The following AXDND1 variants were observed in gnomAD, a reference collection of about 807,000 sequenced individuals.
AXDND1 encodes axonemal dynein light chain domain containing 1.
AXDND1 carries 110 observed loss-of-function variants against 137.5 expected under a neutral mutation model. That is an observed-to-expected ratio of 0.80 (90% CI 0.69 to 0.94). The LOEUF (loss-of-function observed/expected upper bound fraction) is 0.94, where lower values mean the gene tolerates loss of function less well. Ranked by LOEUF, AXDND1 falls within the 40% of genes least tolerant of loss-of-function variation. The pLI is 0.00. For synonymous variants in AXDND1, 414 were observed against 399.7 expected (o/e 1.04, Z -0.43); for missense variants, 1,191 against 1,169.8 (o/e 1.02, Z -0.26).
At chr1:179,422,938 A>G (rs1558156476) in intron 12 of AXDND1, among the ~76,000 whole-genome samples, 1 of 151,834 alleles carries the variant, frequency 6.6e-6, no homozygotes, top group African/African-American at 2.4e-5. Flanking sequence ...TAATTTTTGT[A>G]TTTTTAGTAG....
intron 20 of AXDND1, among the ~76,000 whole-genome samples, chr1:179,499,163 CAAT>C (rs1350403410): frequency 6.6e-6 from 1 of 151,796 alleles, no homozygotes; most frequent in African/African-American, 2.4e-5. Context: ...CAAGAGCAAA[CAAT>C]AATAGACCAA....
chr1:179,476,763 T>C (rs1292645544), intron 17 of AXDND1, among the ~76,000 whole-genome samples: 1 of 152,184 alleles, frequency 6.6e-6, no homozygotes, highest in Non-Finnish European at 1.5e-5. Context: ...GTTGTTTTTC[T>C]CTTGCCACTT....
intron 15 of AXDND1, among the ~76,000 whole-genome samples, chr1:179,440,924 G>T (rs1272332396): frequency 1.3e-5 from 2 of 152,214 alleles, no homozygotes; most frequent in African/African-American, 4.8e-5. Flanking sequence ...TTAGCTCTGA[G>T]TGTTGAGCTG....
rs1264611197 is a variant in AXDND1, at chr1:179,469,161, CT to C, written c.1997+521del. The stretch of plus-strand genomic sequence containing the variant: ...GCTAGGCTGGTCTCGAACTCCTGAC[CT>C]CAGGTGATACGCCCACCTTGGCCTT... On this transcript the variant is annotated intron_variant, in intron 17 of 25. Coordinates refer to ENST00000367618, the MANE Select transcript of AXDND1 (RefSeq NM_144696.6). Among the ~76,000 whole-genome samples the C allele has an allele frequency of 9.2e-5, 14 of 152,042 alleles. No individual in the cohort carries two copies. In the East Asian group the frequency reaches 2.7e-3, roughly 29 times the overall value.
intron 12 of AXDND1, among the ~76,000 whole-genome samples, chr1:179,411,559 G>A (rs1208617794): frequency 1.3e-5 from 2 of 151,972 alleles, no homozygotes; most frequent in African/African-American, 4.8e-5. Flanking sequence ...AAATGAGGAT[G>A]TATATTTATT....
intron 16 of AXDND1, among the ~76,000 whole-genome samples, chr1:179,459,779 TTTA>T (rs1288910413): frequency 1.3e-5 from 2 of 150,334 alleles, no homozygotes; most frequent in South Asian, 2.1e-4. Flanking sequence ...TTTCTTTTTC[TTTA>T]TTTTCTTTCT....
intron 11 of AXDND1, among the ~76,000 whole-genome samples, chr1:179,405,517 A>G (rs563805436): frequency 1.3e-5 from 2 of 152,160 alleles, no homozygotes; most frequent in African/African-American, 4.8e-5. Context: ...TAATGGTTGA[A>G]CTAATTTACA....
chr1:179,481,590 C>T (rs1481122477), intron 17 of AXDND1, among the ~76,000 whole-genome samples: 1 of 152,202 alleles, frequency 6.6e-6, no homozygotes, highest in African/African-American at 2.4e-5. Context: ...AACCAGTTTA[C>T]AGTCCCACCA....
chr1:179,407,042 A>G (rs1000074676), intron 11 of AXDND1, among the ~76,000 whole-genome samples: 3 of 151,732 alleles, frequency 2.0e-5, no homozygotes, highest in Admixed American at 1.3e-4. Context: ...GATTTTTTAC[A>G]CTGATGTGTT....
At chr1:179,477,397 C>T (rs951585166) in intron 17 of AXDND1, among the ~76,000 whole-genome samples, 8 of 152,058 alleles carry the variant, frequency 5.3e-5, no homozygotes, top group African/African-American at 1.2e-4. Flanking sequence ...CACAGTTCCA[C>T]GTGGCTGGGG....
At chr1:179,442,491 T>C (rs1659131059) in intron 15 of AXDND1, among the ~76,000 whole-genome samples, 1 of 152,228 alleles carries the variant, frequency 6.6e-6, no homozygotes, top group Non-Finnish European at 1.5e-5. Context: ...CCATGGGTTA[T>C]GCGTAATAAC....
intron 12 of AXDND1, among the ~76,000 whole-genome samples, chr1:179,418,732 C>G (rs1655133184): frequency 6.6e-6 from 1 of 150,766 alleles, no homozygotes; most frequent in African/African-American, 2.4e-5. Context: ...CCCCACCTCC[C>G]TCCCGGACGG....
chr1:179,506,509 A>G (rs58855777), intron 20 of AXDND1, among the ~76,000 whole-genome samples: 3 of 152,128 alleles, frequency 2.0e-5, no homozygotes, highest in East Asian at 1.9e-4. Flanking sequence ...AGGCAAGTGG[A>G]TCACTTGAGG....
At chr1:179,381,943 ATTTTTTTTTT>A (rs71111920) in intron 6 of AXDND1, among the ~76,000 whole-genome samples, 2 of 105,434 alleles carry the variant, frequency 1.9e-5, no homozygotes, top group Admixed American at 2.2e-4. Flanking sequence ...ACCACACCTA[ATTTTTTTTTT>A]TTTTTTTTTT....
intron 9 of AXDND1, among the ~76,000 whole-genome samples, chr1:179,391,361 G>C (rs1650170838): frequency 6.6e-6 from 1 of 151,868 alleles, no homozygotes; most frequent in Admixed American, 6.6e-5. Context: ...TGGTTTGGCT[G>C]TGTCCCCATC....
intron 12 of AXDND1, among the ~76,000 whole-genome samples, chr1:179,422,903 A>C (rs771424019): frequency 2.0e-5 from 3 of 152,080 alleles, no homozygotes; most frequent in African/African-American, 7.2e-5. Context: ...AGCTGGGATT[A>C]CAGGTACCTG....
chr1:179,473,214 C>T (rs1454051495), intron 17 of AXDND1, among the ~76,000 whole-genome samples: 3 of 151,926 alleles, frequency 2.0e-5, no homozygotes, highest in African/African-American at 7.3e-5. Context: ...CTTAATTTAA[C>T]AGAATTAGCT....
At chr1:179,520,464 G>A (rs1669947440) in intron 21 of AXDND1, among the ~76,000 whole-genome samples, 1 of 151,828 alleles carries the variant, frequency 6.6e-6, no homozygotes. Flanking sequence ...TTATTTTTTA[G>A]AGACAGGGTC....
At chr1:179,435,508 A>C (rs987020734) in intron 15 of AXDND1, among the ~76,000 whole-genome samples, 1 of 152,194 alleles carries the variant, frequency 6.6e-6, no homozygotes, top group Admixed American at 6.5e-5. Context: ...GACCAATGGA[A>C]TAAAACAAAC....
Sources: gnomAD v4.1 joint callset for allele counts (sites outside exome capture counted in the v4.1 genomes callset) on GRCh38, gnomAD v4.1.1 for gene constraint, MANE v1.5 for transcripts, NCBI Gene and HGNC (gene_info 2026-07-23, HGNC 2026-07-21) for gene names.